DEPDC4: variants seen among roughly 807,000 people sequenced by gnomAD.
DEPDC4 encodes DEP domain-containing protein 4.
A neutral mutation model predicts 52.0 loss-of-function variants in DEPDC4; 52 were observed. The ratio of observed to expected loss-of-function variants is 1.00; its 90% CI spans 0.80 to 1.26. The LOEUF is 1.26. Ranked by LOEUF, DEPDC4 falls within the 50% of genes most tolerant of loss-of-function variation. DEPDC4 has a pLI of 0.00. For synonymous variants in DEPDC4, 201 were observed against 196.8 expected, an observed-to-expected ratio of 1.02 and a Z score of -0.18; for missense variants, 530 against 546.9, an observed-to-expected ratio of 0.97 and a Z score of 0.31.
rs1262478791 is a variant in DEPDC4 at position 100,252,285 on chromosome 12, A to T, written c.1265T>A (p.Val422Glu). The T allele has an allele frequency of 2.1e-6, 3 of 1,439,384 alleles. No individual in the cohort carries two copies. The highest frequency in any genetic ancestry group is 1.8e-6 in the Non-Finnish European group (2 of 1,097,296). 89.2% of individuals were successfully genotyped at this position (1,439,384 alleles called of 1,614,324 possible). A position where few individuals can be genotyped will look rare whatever the true frequency, so the allele number is the denominator to read the frequency against. ...TGATTTGGCAAGAGTTTTCAGGACC[A>T]CTGTTTTATTATCATACTGTAAACA... is the stretch of plus-strand genomic sequence containing the variant. ...KLQKQYDNKT[V>E]VLKTLAKSVL... Residue 422 changes from valine to glutamate, a missense_variant, in exon 7 of 10, where the codon GTG becomes GAG. Transcript: ENST00000550587.
the DEPDC4 span, among the ~76,000 whole-genome samples, chr12:100,273,912 C>T: frequency 6.6e-6 from 1 of 152,172 alleles, no homozygotes; most frequent in Non-Finnish European, 1.5e-5. Context: ...TAATATATAG[C>T]TTGTCAGGCA....
chr12:100,252,107 A>G, intron 7 of DEPDC4, 69 bp downstream of exon 7: 1 of 1,104,838 alleles, frequency 9.1e-7, no homozygotes, highest in Non-Finnish European at 1.1e-6. Context: ...TACTAAGTGA[A>G]TGATTTGCTT....
chr12:100,252,717 A>G (rs1176327628), intron 5 of DEPDC4, among the ~76,000 whole-genome samples, 181 bp from the exon 6 acceptor site: 1 of 152,254 alleles, frequency 6.6e-6, no homozygotes, highest in Non-Finnish European at 1.5e-5. Context: ...TTATAATTCT[A>G]TGTAATATGC....
intron 8 of DEPDC4, among the ~76,000 whole-genome samples, chr12:100,245,369 C>T (rs1238887384): frequency 6.6e-6 from 1 of 152,114 alleles, no homozygotes; most frequent in African/African-American, 2.4e-5. Flanking sequence ...CGGGTTCAAG[C>T]AATTCTCATG....
intron 3 of DEPDC4, among the ~76,000 whole-genome samples, chr12:100,258,489 C>T (rs945542769): frequency 1.3e-5 from 2 of 152,052 alleles, no homozygotes; most frequent in African/African-American, 4.8e-5. Flanking sequence ...AATAGATTTA[C>T]CTTAAAGTAT....
chr12:100,267,245 C>G (rs1289537866), upstream of DEPDC4: 7 of 686,926 alleles, frequency 1.0e-5, no homozygotes, highest in Admixed American at 3.1e-5. Context: ...CTTCTAGCTC[C>G]GACGTTTGCG....
the DEPDC4 span, among the ~76,000 whole-genome samples, chr12:100,278,560 G>A: frequency 8.6e-5 from 13 of 151,008 alleles, no homozygotes; most frequent in Non-Finnish European, 1.3e-4. Context: ...TGACAGTTTC[G>A]TTTAGCAGTT....
In DEPDC4 at chr12:100,263,789, T is replaced by C. The variant is rs140284901; in HGVS notation, c.262A>G (p.Lys88Glu). The change falls in exon 2 of 10, where the codon AAA (lysine) becomes GAA (glutamate). Residue 88 changes from lysine (K) to glutamate (E), a missense_variant. Physicochemically the swap from Lys to Glu is moderately conservative, Grantham distance 56. Transcript: ENST00000550587. ...GCATCAGAACCAGTGAAACAGTCTT[T>C]GTATGTCTGTAAATGATGCCTCCTT... ...KRRRHHLQTY[K>E]DCFTGSDAVD... The C allele has an allele frequency of 6.2e-6, 10 of 1,614,062 alleles. No individual in the cohort carries two copies. Among genetic ancestry groups the C allele is most frequent in the South Asian group, 1.1e-5 (1 of 91,088 alleles).
intron 2 of DEPDC4, 131 bp downstream of exon 2, chr12:100,263,366 G>A (rs986051641): frequency 2.9e-6 from 2 of 701,532 alleles, no homozygotes; most frequent in Non-Finnish European, 4.6e-6. Flanking sequence ...ATGCATAAGT[G>A]GATTAATTTT....
At chr12:100,264,199 A>G (rs1255386501) in intron 1 of DEPDC4, among the ~76,000 whole-genome samples, 1 of 152,238 alleles carries the variant, frequency 6.6e-6, no homozygotes, top group Non-Finnish European at 1.5e-5. Flanking sequence ...ATGTTATTTT[A>G]GGGCATATTT....
chr12:100,254,323 T>C lies in DEPDC4; in HGVS notation c.879-608A>G, dbSNP rs1179361710. On this transcript the variant is annotated intron_variant, in intron 4 of 9. Transcript: ENST00000550587. ...TGGTATGTCCCTTTTTTTTGACTTT[T>C]TTTTTTTTTTTTTTTTTTTTGAGGC... 3.0e-3 allele frequency among the ~76,000 whole-genome samples: 426 copies of C among 141,942 alleles called. 8 individuals carry two copies. Among genetic ancestry groups the C allele is most frequent in the Middle Eastern group, 6.9e-3 (2 of 288 alleles). 93.1% of individuals were successfully genotyped at this position (141,942 alleles called of 152,430 possible).
upstream of DEPDC4, among the ~76,000 whole-genome samples, chr12:100,268,270 A>G (rs947296658): frequency 2.6e-5 from 4 of 152,218 alleles, no homozygotes; most frequent in Admixed American, 6.5e-5. Context: ...TAAGTAGCCT[A>G]TCTCCGTTCT....
At chr12:100,263,408 A>G in intron 2 of DEPDC4, 89 bp downstream of exon 2, 1 of 1,151,016 alleles carries the variant, frequency 8.7e-7, no homozygotes, top group Non-Finnish European at 1.2e-6. Context: ...TTGGCTTCTG[A>G]AAAAAGTACA....
At chr12:100,266,895 A>G (rs1335256900) in intron 1 of DEPDC4, 25 bp downstream of exon 1, 3 of 1,603,558 alleles carry the variant, frequency 1.9e-6, no homozygotes, top group Non-Finnish European at 2.6e-6. Flanking sequence ...TTCACTGCAC[A>G]TTTGGCTAGG....
upstream of DEPDC4, among the ~76,000 whole-genome samples, chr12:100,272,030 A>G (rs1039687070): frequency 1.3e-5 from 2 of 152,190 alleles, no homozygotes; most frequent in Admixed American, 1.3e-4. Context: ...AAAATCTAGT[A>G]TTACAACAGA....
At chr12:100,276,736 T>A in the DEPDC4 span, among the ~76,000 whole-genome samples, 2 of 152,126 alleles carry the variant, frequency 1.3e-5, no homozygotes, top group African/African-American at 4.8e-5. Context: ...CTTTTTCATT[T>A]CTCTATTAAA....
chr12:100,274,450 ATCT>A, the DEPDC4 span, among the ~76,000 whole-genome samples: 1 of 152,214 alleles, frequency 6.6e-6, no homozygotes, highest in South Asian at 2.1e-4. Context: ...TGTGACAACC[ATCT>A]TCTTAACTGT....
At chr12:100,244,134 T>TATACACAC (rs1403751762) in intron 8 of DEPDC4, among the ~76,000 whole-genome samples, 6 of 121,794 alleles carry the variant, frequency 4.9e-5, no homozygotes, top group Admixed American at 9.0e-5. Context: ...TATATATATA[T>TATACACAC]ACACAAAATA....
chr12:100,263,775 A>G lies in DEPDC4; in HGVS notation c.276T>C (p.Thr92=). Reference sequence around the variant, plus strand: ...AGACCACATCGACAGCATCAGAACCAGTGAAACAGTCTTTGTATGTCTGTA... The same window carrying G: ...AGACCACATCGACAGCATCAGAACCGGTGAAACAGTCTTTGTATGTCTGTA... ...HHLQTYKDCF[T]GSDAVDVVLS... Residue 92 remains threonine, a synonymous_variant, in exon 2 of 10, where the codon ACT becomes ACC. Coordinates refer to ENST00000550587, the MANE Select transcript of DEPDC4 (RefSeq NM_001364818.2). 6.2e-7 allele frequency: 1 copy of G among 1,614,196 alleles called. No individual in the cohort carries two copies. The highest frequency in any genetic ancestry group is 8.5e-7 in the Non-Finnish European group (1 of 1,180,030).
Sources: allele counts gnomAD v4.1 joint callset (sites outside exome capture counted in the v4.1 genomes callset), GRCh38; gene constraint gnomAD v4.1.1; transcripts MANE v1.5; gene names NCBI Gene and HGNC (gene_info 2026-07-23, HGNC 2026-07-21).